PRKCH: variants seen among roughly 807,000 people sequenced by gnomAD.
The protein encoded by PRKCH is protein kinase C eta type.
In PRKCH, 28 loss-of-function variants were observed where a neutral mutation model predicts 82.5. That is an observed-to-expected ratio of 0.34 (90% CI 0.25 to 0.47). PRKCH has a LOEUF of 0.47. Among genes scored for constraint, PRKCH ranks in the 20% least tolerant of loss-of-function variants. The pLI, the probability that PRKCH is intolerant of heterozygous loss-of-function variation, is 1.00. For synonymous variants in PRKCH, 322 were observed against 327.4 expected, an observed-to-expected ratio of 0.98 and a Z score of 0.18; for missense variants, 705 against 881.8, an observed-to-expected ratio of 0.80 and a Z score of 2.54.
intron 4 of PRKCH, 63 bp downstream of exon 4, chr14:61,445,789 C>T: frequency 3.4e-6 from 5 of 1,470,860 alleles, no homozygotes; most frequent in Non-Finnish European, 4.8e-6. Flanking sequence ...ATGATTATAC[C>T]AAGAGAAAAC....
intron 2 of PRKCH, among the ~76,000 whole-genome samples, chr14:61,410,019 G>A (rs979150569): frequency 5.3e-5 from 8 of 152,060 alleles, no homozygotes; most frequent in African/African-American, 1.7e-4. Flanking sequence ...AAATTGAGTT[G>A]GTTCACTCTG....
rs79853705 is a variant in PRKCH, at chr14:61,474,127, T to C, written c.1279-11375T>C. Among the ~76,000 whole-genome samples, 39 of 152,270 alleles carry C rather than the reference T, an allele frequency of 2.6e-4. No homozygotes were observed. The East Asian group carries it at 6.5e-3, about 26-fold the overall frequency. On this transcript the variant is annotated intron_variant, in intron 9 of 13. Coordinates refer to ENST00000332981, the MANE Select transcript of PRKCH (RefSeq NM_006255.5). Reference sequence around the variant, plus strand: ...GAAGAATCAGAAGGAAGTGGTTTCATAGTAGGATAAATCAAGTGCTGAGAT... The same window carrying C: ...GAAGAATCAGAAGGAAGTGGTTTCACAGTAGGATAAATCAAGTGCTGAGAT...
intron 10 of PRKCH, among the ~76,000 whole-genome samples, chr14:61,496,884 A>G (rs537613916): frequency 9.2e-5 from 14 of 151,468 alleles, no homozygotes; most frequent in African/African-American, 2.7e-4. Context: ...TAACTCACCT[A>G]CTCCTCATGA....
Position 61,435,655 on chromosome 14 carries a change from G to A in PRKCH, c.428-7456G>A, listed in dbSNP as rs568301874. On this transcript the variant is annotated intron_variant, in intron 2 of 13. Coordinates refer to ENST00000332981, the MANE Select transcript of PRKCH (RefSeq NM_006255.5). ...CAGAAGCTGTTTGAGGTCAGCCTGGGCAATGTAATGAGACCTCATCTCAAT... is the reference window on the plus strand; with the variant it reads ...CAGAAGCTGTTTGAGGTCAGCCTGGACAATGTAATGAGACCTCATCTCAAT... Among the ~76,000 whole-genome samples, 24 of 152,186 alleles carry A rather than the reference G, an allele frequency of 1.6e-4. No homozygotes were observed. The South Asian group carries it at 4.8e-3, about 30-fold the overall frequency.
At chr14:61,494,181 A>G (rs1886567879) in intron 10 of PRKCH, among the ~76,000 whole-genome samples, 1 of 152,184 alleles carries the variant, frequency 6.6e-6, no homozygotes, top group Non-Finnish European at 1.5e-5. Context: ...CATAGCTATT[A>G]GTTGAGACCA....
intron 2 of PRKCH, among the ~76,000 whole-genome samples, chr14:61,429,548 G>T (rs1258644603): frequency 3.3e-5 from 5 of 152,150 alleles, no homozygotes; most frequent in African/African-American, 1.2e-4. Context: ...ATTGTTTTCA[G>T]GGCCTCAGGG....
chr14:61,219,807 A>G (rs2044641221), intron 1 of PRKCH, among the ~76,000 whole-genome samples: 1 of 152,164 alleles, frequency 6.6e-6, no homozygotes, highest in South Asian at 2.1e-4. Flanking sequence ...TTTCATTGTT[A>G]TTGTTTAAGG....
Position 61,384,510 on chromosome 14 carries a change from A to C in PRKCH, c.364-6715A>C, listed in dbSNP as rs1303876787. On this transcript the variant is annotated intron_variant, in intron 1 of 13. Transcript: ENST00000332981. ...GATTGAATGGCCTTCCTGATGTCGC[A>C]GATTGGTCAGGACAGAGCACCAGGA... Among the ~76,000 whole-genome samples, 2 of 152,020 alleles carry C rather than the reference A, an allele frequency of 1.3e-5. 1 individual carries two copies. The highest frequency in any genetic ancestry group is 2.9e-5 in the Non-Finnish European group (2 of 68,036).
At chr14:61,461,101 C>T (rs998345859) in intron 9 of PRKCH, among the ~76,000 whole-genome samples, 5 of 152,206 alleles carry the variant, frequency 3.3e-5, no homozygotes, top group African/African-American at 1.2e-4. Flanking sequence ...TTCCCCTCTG[C>T]TCCTCATTGG....
At chr14:61,538,722 C>T (rs764208960) in intron 12 of PRKCH, among the ~76,000 whole-genome samples, 2 of 152,120 alleles carry the variant, frequency 1.3e-5, no homozygotes, top group African/African-American at 2.4e-5. Flanking sequence ...GTTAGAAAAA[C>T]TCTTGTCAAC....
At chr14:61,526,637 A>C (rs140393207) in intron 10 of PRKCH, among the ~76,000 whole-genome samples, 2 of 152,174 alleles carry the variant, frequency 1.3e-5, no homozygotes, top group Non-Finnish European at 2.9e-5. Context: ...ACAGAGACCA[A>C]CCTTTTGCCT....
chr14:61,375,656 G>A (rs983877409), intron 1 of PRKCH, among the ~76,000 whole-genome samples: 3 of 151,906 alleles, frequency 2.0e-5, no homozygotes, highest in African/African-American at 4.9e-5. Context: ...ACCAGATCTC[G>A]TGAGAACTCA....
chr14:61,395,301 C>CCT (rs1244338303), intron 2 of PRKCH, among the ~76,000 whole-genome samples: 1 of 146,660 alleles, frequency 6.8e-6, no homozygotes, highest in Non-Finnish European at 1.5e-5. Context: ...CCCCCCCCCG[C>CCT]ATTTGCCTGC....
intron 10 of PRKCH, among the ~76,000 whole-genome samples, chr14:61,520,694 A>C (rs2042894601): frequency 6.6e-6 from 1 of 152,148 alleles, no homozygotes; most frequent in Admixed American, 6.5e-5. Context: ...CAATGAGCTC[A>C]TTTTTCACTG....
At chr14:61,496,076 A>G (rs1229319432) in intron 10 of PRKCH, among the ~76,000 whole-genome samples, 1 of 152,198 alleles carries the variant, frequency 6.6e-6, no homozygotes, top group Non-Finnish European at 1.5e-5. Context: ...CAGTGGGATC[A>G]AGGAGCAGCA....
chr14:61,500,836 A>G (rs528516964), intron 10 of PRKCH, among the ~76,000 whole-genome samples: 15 of 152,240 alleles, frequency 9.9e-5, no homozygotes, highest in African/African-American at 3.4e-4. Context: ...GAGACAAGAA[A>G]ATCACCTTTG....
intron 9 of PRKCH, among the ~76,000 whole-genome samples, chr14:61,471,861 A>G (rs1885519740): frequency 6.6e-6 from 1 of 152,048 alleles, no homozygotes; most frequent in African/African-American, 2.4e-5. Context: ...GCTCCCTTAC[A>G]TGACTGTCAG....
rs147806512 is a variant in PRKCH, at chr14:61,466,781, C to T, written c.1278+9102C>T. ...GGCCACAGGACGCTCCGATGCCGGT[C>T]GCTTTTGCCTCCTCCCGCTCCTCTG... On this transcript the variant is annotated intron_variant, in intron 9 of 13. Coordinates refer to ENST00000332981, the MANE Select transcript of PRKCH (RefSeq NM_006255.5). 2.3e-4 allele frequency among the ~76,000 whole-genome samples: 35 copies of T among 152,272 alleles called. 1 individual carries two copies. The East Asian group carries it at 2.5e-3, about 11-fold the overall frequency.
At chr14:61,526,080 C>T (rs760446016) in intron 10 of PRKCH, among the ~76,000 whole-genome samples, 2 of 152,204 alleles carry the variant, frequency 1.3e-5, no homozygotes, top group African/African-American at 4.8e-5. Context: ...GGCAGGACCA[C>T]GATCATCCTC....
Sources: gnomAD v4.1 joint callset for allele counts (sites outside exome capture counted in the v4.1 genomes callset) on GRCh38, gnomAD v4.1.1 for gene constraint, MANE v1.5 for transcripts, NCBI Gene and HGNC (gene_info 2026-07-23, HGNC 2026-07-21) for gene names.